The following ZNF37A variants were observed in gnomAD, a reference collection of about 807,000 sequenced individuals.
The protein encoded by ZNF37A is zinc finger protein 37a (KOX 21).
In ZNF37A, 10 loss-of-function variants were observed where a neutral mutation model predicts 12.3. That is an observed-to-expected ratio of 0.82 (90% CI 0.50 to 1.38). ZNF37A has a LOEUF of 1.38. Ranked by LOEUF, ZNF37A falls within the 40% of genes most tolerant of loss-of-function variation. The pLI is 0.00. For synonymous variants in ZNF37A, 207 were observed against 223.0 expected, an observed-to-expected ratio of 0.93 and a Z score of 0.64; for missense variants, 580 against 651.2, an observed-to-expected ratio of 0.89 and a Z score of 1.19.
At chr10:38,116,542 A>G (rs929457523) in intron 7 of ZNF37A, among the ~76,000 whole-genome samples, 6 of 152,204 alleles carry the variant, frequency 3.9e-5, no homozygotes, top group Non-Finnish European at 7.3e-5. Flanking sequence ...CCTAGAGCGA[A>G]ATATATTCAC....
intron 5 of ZNF37A, among the ~76,000 whole-genome samples, chr10:38,102,118 A>G (rs971546868): frequency 1.3e-4 from 20 of 152,042 alleles, no homozygotes; most frequent in African/African-American, 3.9e-4. Flanking sequence ...TACAGGTTTG[A>G]GCCACCATGC....
At chr10:38,126,227 G>A (rs940110418), downstream of ZNF37A, among the ~76,000 whole-genome samples, 14 of 152,102 alleles carry the variant, frequency 9.2e-5, 1 homozygote, top group Admixed American at 7.9e-4. Flanking sequence ...ATAGTTTTAC[G>A]GACCTGAAAC....
intron 7 of ZNF37A, chr10:38,117,160 A>G: frequency 6.1e-6 from 6 of 984,706 alleles, no homozygotes; most frequent in Non-Finnish European, 6.0e-6. Flanking sequence ...ACAAAACCAC[A>G]CAGAATTGGA....
chr10:38,113,154 G>A (rs1365009754), intron 5 of ZNF37A, among the ~76,000 whole-genome samples: 2 of 147,634 alleles, frequency 1.4e-5, no homozygotes, highest in Non-Finnish European at 3.0e-5. Context: ...TGTTTTCATA[G>A]TTAGGCAAAT....
chr10:38,110,839 C>T (rs765612445), intron 5 of ZNF37A, among the ~76,000 whole-genome samples: 1 of 152,070 alleles, frequency 6.6e-6, no homozygotes, highest in Non-Finnish European at 1.5e-5. Flanking sequence ...ACAACAGATG[C>T]TGGAGAGGAT....
At chr10:38,144,061 A>G (rs1227797615) in intron 7 of ZNF37A, 3 of 152,236 alleles carry the variant, frequency 2.0e-5, no homozygotes, top group Non-Finnish European at 4.4e-5. Context: ...AGAGGTCAAC[A>G]GGGTTGTGGA....
intron 5 of ZNF37A, among the ~76,000 whole-genome samples, chr10:38,108,708 C>A (rs1328684195): frequency 2.0e-5 from 3 of 152,212 alleles, no homozygotes; most frequent in African/African-American, 4.8e-5. Context: ...ATAAACACCT[C>A]TATGCAAATA....
chr10:38,146,655 C>A, intron 7 of ZNF37A: 1 of 396,134 alleles, frequency 2.5e-6, no homozygotes, highest in Non-Finnish European at 4.5e-6. Flanking sequence ...CATTTGAAAC[C>A]AAATGTGGCA....
Position 38,115,213 on chromosome 10 carries a change from C to T in ZNF37A, c.161C>T (p.Pro54Leu). The T allele has an allele frequency of 1.2e-6, 2 of 1,613,158 alleles. No individual in the cohort carries two copies. The highest frequency in any genetic ancestry group is 1.7e-6 in the Non-Finnish European group (2 of 1,179,752). The change falls in exon 7 of 8, where the codon CCA becomes CTA. Residue 54 changes from proline (P) to leucine (L), a missense_variant. Coordinates refer to ENST00000685332, the MANE Select transcript of ZNF37A (RefSeq NM_001324250.3). ...TTCACAGGGTATTGCATTCCTAAAC[C>T]AGAAGTGATTCTCAAGTTGGAGAAA... ...LVSVGYCIPK[P>L]EVILKLEKGE...
intron 5 of ZNF37A, among the ~76,000 whole-genome samples, chr10:38,102,564 A>AT (rs1337176117): frequency 6.6e-6 from 1 of 152,218 alleles, no homozygotes; most frequent in Non-Finnish European, 1.5e-5. Flanking sequence ...TTTAAATCAC[A>AT]TAAAAAAAAG....
At chr10:38,141,534 G>A (rs1340415400) in intron 7 of ZNF37A, 1 of 152,154 alleles carries the variant, frequency 6.6e-6, no homozygotes, top group East Asian at 1.9e-4. Context: ...CAGAGTCAAA[G>A]ACACTAACAC....
At chr10:38,129,307 A>AAAAAAAAAAAAAAAAAAAAAAG (rs2069978923), downstream of ZNF37A, among the ~76,000 whole-genome samples, 1 of 145,218 alleles carries the variant, frequency 6.9e-6, no homozygotes, top group Non-Finnish European at 1.5e-5. Flanking sequence ...CTCTGTCTAA[A>AAAAAAAAAAAAAAAAAAAAAAG]AAAAAAAAAA....
intron 5 of ZNF37A, among the ~76,000 whole-genome samples, chr10:38,111,400 G>A (rs1274173438): frequency 6.6e-6 from 1 of 151,804 alleles, no homozygotes; most frequent in African/African-American, 2.4e-5. Flanking sequence ...GTTGATGGGT[G>A]CAGCAAACCA....
downstream of ZNF37A, among the ~76,000 whole-genome samples, chr10:38,130,138 G>A (rs774977657): frequency 1.8e-4 from 27 of 152,026 alleles, no homozygotes; most frequent in Non-Finnish European, 4.0e-4. Flanking sequence ...GATATGTGTC[G>A]CTCTATGTCT....
At chr10:38,113,097 C>T (rs1208211196) in intron 5 of ZNF37A, among the ~76,000 whole-genome samples, 6 of 151,838 alleles carry the variant, frequency 4.0e-5, no homozygotes, top group Admixed American at 1.3e-4. Context: ...TGAGCCACCG[C>T]ACCTGGCCCA....
chr10:38,107,825 CA>C (rs2068258087), intron 5 of ZNF37A, among the ~76,000 whole-genome samples: 1 of 152,082 alleles, frequency 6.6e-6, no homozygotes, highest in African/African-American at 2.4e-5. Context: ...TATATGCACC[CA>C]ATACAGGAGC....
chr10:38,125,820 G>A (rs12266460), downstream of ZNF37A, among the ~76,000 whole-genome samples: 3,682 of 152,264 alleles, frequency 0.024, 106 homozygotes, highest in African/African-American at 0.075. Context: ...GCTTATAAAG[G>A]GAAGAGGTTT....
intron 5 of ZNF37A, among the ~76,000 whole-genome samples, chr10:38,110,402 A>G (rs959853725): frequency 2.6e-5 from 4 of 152,212 alleles, no homozygotes; most frequent in Admixed American, 1.3e-4. Flanking sequence ...AACCTAGGCA[A>G]TATCATTCAG....
Position 38,117,529 on chromosome 10 carries a change from C to T in ZNF37A, c.378C>T (p.Ser126=), listed in dbSNP as rs777799913. 3 of 1,613,628 alleles carry T rather than the reference C, an allele frequency of 1.9e-6. No homozygotes were observed. In the Admixed American group the frequency reaches 5.0e-5, roughly 27 times the overall value. The change falls in exon 8 of 8, where the codon AGC becomes AGT. Residue 126 remains serine (S), a synonymous_variant. Transcript: ENST00000685332. ...CTGAATATAATAAAAATGGGAACAG[C>T]TTCTGGCTGAATGAAGACCTCATTT... is the stretch of plus-strand genomic sequence containing the variant. ...EPSEYNKNGN[S]FWLNEDLIWH...
Sources: allele counts gnomAD v4.1 joint callset (sites outside exome capture counted in the v4.1 genomes callset), GRCh38; gene constraint gnomAD v4.1.1; transcripts MANE v1.5; gene names NCBI Gene and HGNC (gene_info 2026-07-23, HGNC 2026-07-21).